ODAD2: variants seen among roughly 807,000 people sequenced by gnomAD.
ODAD2 encodes the protein outer dynein arm docking complex subunit 2.
ODAD2 carries 89 observed loss-of-function variants against 106.8 expected under a neutral mutation model. That is an observed-to-expected ratio of 0.83 (90% CI 0.70 to 0.99). ODAD2 has a LOEUF of 0.99. Among genes scored for constraint, ODAD2 ranks in the 50% least tolerant of loss-of-function variants. The pLI, the probability that ODAD2 is intolerant of heterozygous loss-of-function variation, is 0.00. For missense variants in ODAD2, 1,168 were observed against 1,238.5 expected, an observed-to-expected ratio of 0.94 and a Z score of 0.85; for synonymous variants, 404 against 436.2, an observed-to-expected ratio of 0.93 and a Z score of 0.92.
intron 17 of ODAD2, among the ~76,000 whole-genome samples, chr10:27,872,957 T>G (rs1392199461): frequency 6.6e-6 from 1 of 152,212 alleles, no homozygotes; most frequent in East Asian, 1.9e-4. Context: ...GTACTTCTGG[T>G]AGCATTCGGC....
At chr10:27,956,655 C>T (rs540740939) in intron 10 of ODAD2, among the ~76,000 whole-genome samples, 1 of 152,268 alleles carries the variant, frequency 6.6e-6, no homozygotes, top group South Asian at 2.1e-4. Flanking sequence ...ACCATGTTCT[C>T]GGCATTATTC....
chr10:27,940,922 T>TA, intron 12 of ODAD2, 117 bp from the exon 13 acceptor site: 3 of 1,141,414 alleles, frequency 2.6e-6, no homozygotes, highest in South Asian at 3.2e-5. Context: ...AAGAATGCTT[T>TA]AAAAAATCAC....
intron 16 of ODAD2, among the ~76,000 whole-genome samples, chr10:27,919,896 CA>C (rs1844651508): frequency 6.6e-6 from 1 of 152,026 alleles, no homozygotes; most frequent in Non-Finnish European, 1.5e-5. Flanking sequence ...TGGCTGTATA[CA>C]ATTATGAAAA....
In ODAD2 at chr10:27,940,669, G is replaced by A; in HGVS notation, c.1880C>T (p.Ala627Val). 3.1e-6 allele frequency: 5 copies of A among 1,614,092 alleles called. No individual in the cohort carries two copies. The South Asian group carries it at 5.5e-5, about 18-fold the overall frequency. ...AGGAATGCCCCCAGCTTTGCGGATG[G>A]CTTCTTTATTCGTATGACTCTTACT... Reference protein sequence around the residue: ...SCSKSHTNKEAIRKAGGIPLL... With the variant: ...SCSKSHTNKEVIRKAGGIPLL... The change falls in exon 13 of 20, where the codon GCC (alanine) becomes GTC (valine). Residue 627 changes from alanine to valine, a missense_variant. Physicochemically the swap from Ala to Val is moderately conservative, Grantham distance 64. Coordinates refer to ENST00000305242, the MANE Select transcript of ODAD2 (RefSeq NM_018076.5).
At position 27,860,641 on chromosome 10, in the gene ODAD2, T is replaced by C. The variant is rs776644400; in HGVS notation, c.3005A>G (p.Glu1002Gly). The C allele has an allele frequency of 6.2e-7, 1 of 1,613,840 alleles. No individual in the cohort carries two copies. The highest frequency in any genetic ancestry group is 1.7e-5 in the Admixed American group (1 of 60,020). Residue 1002 changes from glutamate (E) to glycine (G), a missense_variant, in exon 19 of 20, where the codon GAG becomes GGG. Glu to Gly is a moderately conservative substitution (Grantham distance 98, BLOSUM62 -2). Around this residue, in one of 3 missense-constraint regions of ODAD2, gnomAD observed 701 missense variants for 712.3 expected, o/e 0.98. Coordinates refer to ENST00000305242, the MANE Select transcript of ODAD2 (RefSeq NM_018076.5). ...EDADNCITMH[E>G]NGAVKLLLDM... The stretch of plus-strand genomic sequence containing the variant: ...CAACTGTACCTTTACTGCACCATTC[T>C]CATGCATGGTGATGCAGTTATCGGC...
At chr10:27,919,222 G>A (rs1336840393) in intron 16 of ODAD2, among the ~76,000 whole-genome samples, 4 of 152,094 alleles carry the variant, frequency 2.6e-5, no homozygotes, top group South Asian at 4.1e-4. Context: ...AAATGGTACT[G>A]GGACAAATGG....
At chr10:27,924,306 C>T (rs1054206199) in intron 16 of ODAD2, among the ~76,000 whole-genome samples, 1 of 150,976 alleles carries the variant, frequency 6.6e-6, no homozygotes, top group African/African-American at 2.4e-5. Flanking sequence ...CAGGGGAATA[C>T]AAAGTGAAAT....
Position 27,848,400 on chromosome 10 carries a change from A to G in ODAD2, c.3021+12225T>C, listed in dbSNP as rs953110526. 3.2e-4 allele frequency among the ~76,000 whole-genome samples: 48 copies of G among 152,342 alleles called. 2 individuals carry two copies. Among genetic ancestry groups the G allele is most frequent in the South Asian group, 8.3e-4 (4 of 4,826 alleles). On this transcript the variant is annotated intron_variant, in intron 19 of 19. Coordinates refer to ENST00000305242, the MANE Select transcript of ODAD2 (RefSeq NM_018076.5). ...GAAGCTGAAACTGGATCCCTTCCTTACACCTTATACAAAAATTGATTCAAG... is the reference window on the plus strand; with the variant it reads ...GAAGCTGAAACTGGATCCCTTCCTTGCACCTTATACAAAAATTGATTCAAG...
rs139175094 is a variant in ODAD2, at chr10:27,948,150, C to T, written c.1387-3188G>A. 3.3e-3 allele frequency among the ~76,000 whole-genome samples: 506 copies of T among 152,184 alleles called. 1 individual carries two copies. The highest frequency in any genetic ancestry group is 0.012 in the African/African-American group (483 of 41,516). ...TGGAATGCAAAAGACTGACAATTTA[C>T]AGTTATCATCAAGAAGTTAGATCCT... On this transcript the variant is annotated intron_variant, in intron 10 of 19. Coordinates refer to ENST00000305242, the MANE Select transcript of ODAD2 (RefSeq NM_018076.5).
intron 10 of ODAD2, among the ~76,000 whole-genome samples, chr10:27,955,126 CCTTT>C (rs1228142631): frequency 6.6e-6 from 1 of 152,180 alleles, no homozygotes. Context: ...TACTCATTTG[CCTTT>C]CTAACTACTG....
At chr10:27,931,501 A>G (rs1845616413) in intron 16 of ODAD2, among the ~76,000 whole-genome samples, 1 of 151,724 alleles carries the variant, frequency 6.6e-6, no homozygotes, top group African/African-American at 2.4e-5. Flanking sequence ...ACCCAGCTCA[A>G]TCAGGTCCTT....
intron 17 of ODAD2, among the ~76,000 whole-genome samples, chr10:27,879,904 T>C (rs887986660): frequency 6.6e-6 from 1 of 152,206 alleles, no homozygotes; most frequent in African/African-American, 2.4e-5. Context: ...AATTTTCATA[T>C]TAAATAGTTT....
chr10:27,925,819 G>A (rs1845216465), intron 16 of ODAD2, among the ~76,000 whole-genome samples: 1 of 152,056 alleles, frequency 6.6e-6, no homozygotes. Context: ...TACTATTCAA[G>A]AAGGTACTAG....
chr10:27,942,384 A>G (rs552431961), intron 12 of ODAD2, among the ~76,000 whole-genome samples: 3 of 152,278 alleles, frequency 2.0e-5, no homozygotes, highest in African/African-American at 7.2e-5. Flanking sequence ...AAGTCTGGTG[A>G]TATTTTTGTG....
intron 10 of ODAD2, among the ~76,000 whole-genome samples, chr10:27,945,313 A>C (rs1379407040): frequency 2.0e-5 from 3 of 152,198 alleles, no homozygotes; most frequent in African/African-American, 7.2e-5. Flanking sequence ...GGTATTGCAT[A>C]ATGCAAAGCA....
chr10:27,885,737 T>TATTATATATTATATATAAAA (rs1367530369), intron 17 of ODAD2, among the ~76,000 whole-genome samples: 23,749 of 47,402 alleles, frequency 0.5, 8,175 homozygotes, highest in Non-Finnish European at 0.64. Context: ...ATAAAATATA[T>TATTATATATTATATATAAAA]TATGTTATAT....
intron 17 of ODAD2, among the ~76,000 whole-genome samples, chr10:27,870,706 A>G (rs1051587454): frequency 2.0e-5 from 3 of 152,202 alleles, no homozygotes; most frequent in African/African-American, 7.2e-5. Flanking sequence ...ATGGCTGCAT[A>G]GTATTACATG....
intron 12 of ODAD2, among the ~76,000 whole-genome samples, chr10:27,943,467 T>C (rs949530203): frequency 3.4e-4 from 51 of 152,030 alleles, no homozygotes; most frequent in African/African-American, 1.2e-3. Context: ...ATATTAAATA[T>C]TATACATTTT....
intron 7 of ODAD2, 64 bp from the exon 8 acceptor site, chr10:27,971,377 T>C: frequency 1.5e-6 from 2 of 1,339,128 alleles, no homozygotes; most frequent in Non-Finnish European, 2.0e-6. Flanking sequence ...CTCTGAAGAT[T>C]AATGCCAGTG....
Sources: gnomAD v4.1 joint callset for allele counts (sites outside exome capture counted in the v4.1 genomes callset) on GRCh38, gnomAD v4.1.1 for gene constraint, gnomAD v4.1.1 regional missense constraint, MANE v1.5 for transcripts, NCBI Gene and HGNC (gene_info 2026-07-23, HGNC 2026-07-21) for gene names.